Variants in SVIL observed in about 807,000 individuals in gnomAD.
SVIL encodes supervillin, also known as archvillin.
A neutral mutation model predicts 240.4 loss-of-function variants in SVIL; 101 were observed. The ratio of observed to expected loss-of-function variants is 0.42; its 90% CI spans 0.36 to 0.50. The LOEUF (loss-of-function observed/expected upper bound fraction) is 0.50, where lower values mean the gene tolerates loss of function less well. Ranked by LOEUF, SVIL falls within the 20% of genes least tolerant of loss-of-function variation. The pLI, the probability that SVIL is intolerant of heterozygous loss-of-function variation, is 0.01. For synonymous variants in SVIL, 999 were observed against 1,100.0 expected, an observed-to-expected ratio of 0.91 and a Z score of 1.82; for missense variants, 2,512 against 2,818.7, an observed-to-expected ratio of 0.89 and a Z score of 2.46.
intron 22 of SVIL, among the ~76,000 whole-genome samples, chr10:29,490,604 C>A (rs1413159206): frequency 8.6e-5 from 12 of 139,588 alleles, no homozygotes; most frequent in Non-Finnish European, 1.4e-4. Context: ...AAAAAAAAAA[C>A]CAAACCCCAG....
intron 1 of SVIL, among the ~76,000 whole-genome samples, chr10:29,696,103 C>T (rs1961964248): frequency 6.6e-6 from 1 of 151,846 alleles, no homozygotes; most frequent in Admixed American, 6.6e-5. Context: ...AGGCGCGCGC[C>T]GCCACGCCTG....
rs565845517 is a variant in SVIL at position 29,732,861 on chromosome 10, T to G, written c.-400+2890A>C. Among the ~76,000 whole-genome samples, 61 of 152,000 alleles carry G rather than the reference T, an allele frequency of 4.0e-4. 1 individual carries two copies. In the South Asian group the frequency reaches 0.011, roughly 28 times the overall value. ...AGTTCATTTGGTTTGGGTTTTTGTT[T>G]TTTTTTTTTTAATTCCTACCATCTT... On this transcript the variant is annotated intron_variant, in intron 1 of 35. Transcript: ENST00000375400.
intron 3 of SVIL, among the ~76,000 whole-genome samples, chr10:29,562,629 T>C (rs533049219): frequency 6.6e-6 from 1 of 151,838 alleles, no homozygotes; most frequent in Admixed American, 6.6e-5. Flanking sequence ...GGCGTGGTGG[T>C]GGGCGCCTGT....
intron 1 of SVIL, among the ~76,000 whole-genome samples, chr10:29,584,633 C>T (rs1345184079): frequency 1.3e-5 from 2 of 152,242 alleles, no homozygotes; most frequent in Admixed American, 1.3e-4. Flanking sequence ...GCCTCGTTCA[C>T]TGGCTCTGGG....
intron 6 of SVIL, among the ~76,000 whole-genome samples, chr10:29,542,143 A>G (rs1952215930): frequency 1.3e-5 from 2 of 152,232 alleles, no homozygotes; most frequent in Non-Finnish European, 1.5e-5. Context: ...TTTGGGTGCG[A>G]GTGTCTCATA....
In SVIL at chr10:29,524,726, T is replaced by G. The variant is rs1035018518; in HGVS notation, c.2343-11A>C. On this transcript the variant is annotated splice_polypyrimidine_tract_variant and intron_variant, in intron 13 of 37. Coordinates refer to ENST00000355867, the MANE Select transcript of SVIL (RefSeq NM_021738.3). ...GCAGAGGCCTGCAATCTGAAAAAAA[T>G]AAAATGTCAGCAACACATATACCAA... The G allele has an allele frequency of 1.2e-6, 2 of 1,612,758 alleles. No individual in the cohort carries two copies. Among genetic ancestry groups the G allele is most frequent in the Non-Finnish European group, 1.7e-6 (2 of 1,179,214 alleles).
intron 2 of SVIL, among the ~76,000 whole-genome samples, chr10:29,566,256 C>T (rs1030243823): frequency 1.3e-5 from 2 of 152,122 alleles, no homozygotes; most frequent in Admixed American, 1.3e-4. Context: ...GAAAAACTGG[C>T]ATAATTGCAC....
rs1395638707 is a variant in SVIL, at chr10:29,612,479, G to T, written c.-201+21941C>A. 2.0e-5 allele frequency among the ~76,000 whole-genome samples: 3 copies of T among 152,060 alleles called. No homozygotes were observed. The South Asian group carries it at 6.2e-4, about 32-fold the overall frequency. ...GGAATTATAGGGGAATCACTTGCACGCTGATAAAGGACCTCCCTCCTTGTG... is the reference window on the plus strand; with the variant it reads ...GGAATTATAGGGGAATCACTTGCACTCTGATAAAGGACCTCCCTCCTTGTG... On this transcript the variant is annotated intron_variant, in intron 1 of 37. Coordinates refer to ENST00000355867, the MANE Select transcript of SVIL (RefSeq NM_021738.3).
intron 1 of SVIL, among the ~76,000 whole-genome samples, chr10:29,701,316 C>T (rs192589095): frequency 1.1e-4 from 17 of 149,770 alleles, no homozygotes; most frequent in African/African-American, 4.2e-4. Flanking sequence ...CTCTCAGGCC[C>T]CTGTACTCCA....
intron 37 of SVIL, 42 bp downstream of exon 37, chr10:29,458,392 T>C (rs1223081922): frequency 6.2e-7 from 1 of 1,609,702 alleles, no homozygotes; most frequent in South Asian, 1.1e-5. Flanking sequence ...CGTGCGTGTG[T>C]TGTTTTACTC....
intron 17 of SVIL, among the ~76,000 whole-genome samples, chr10:29,506,634 TA>T (rs1949302267): frequency 7.0e-6 from 1 of 143,306 alleles, no homozygotes; most frequent in African/African-American, 2.5e-5. Flanking sequence ...ACAGAGGCCC[TA>T]GAGGGAGGGG....
intron 1 of SVIL, among the ~76,000 whole-genome samples, chr10:29,609,072 A>G (rs1182126270): frequency 1.3e-5 from 2 of 152,196 alleles, no homozygotes; most frequent in African/African-American, 4.8e-5. Flanking sequence ...ACCTGTAGAA[A>G]GGAGCTACCC....
chr10:29,661,604 C>T (rs1304017298), intron 2 of SVIL, among the ~76,000 whole-genome samples: 1 of 152,132 alleles, frequency 6.6e-6, no homozygotes, highest in Non-Finnish European at 1.5e-5. Context: ...CTGACTTTCA[C>T]CAGGTTACCA....
Position 29,697,804 on chromosome 10 carries a change from AT to A in SVIL, c.-399-11154del, listed in dbSNP as rs1310305213. The A allele has an allele frequency of 8.7e-4, 215 of 247,780 alleles. 7 individuals are homozygous for A. Among genetic ancestry groups the A allele is most frequent in the African/African-American group, 8.1e-3 (200 of 24,678 alleles). The allele number at this position is 247,780 out of a possible 1,614,324, so 15.3% of individuals were successfully genotyped here. ...CCAAGAATGATCAATTAAAAAAAAA[AT>A]AAAATTAAAAAGAAAACAACAACAA... On this transcript the variant is annotated intron_variant, in intron 1 of 35. Coordinates refer to the SVIL transcript ENST00000375400.
intron 1 of SVIL, among the ~76,000 whole-genome samples, chr10:29,579,330 C>T (rs1477677698): frequency 3.3e-5 from 5 of 151,996 alleles, no homozygotes; most frequent in Admixed American, 6.6e-5. Flanking sequence ...CCCAGCTACT[C>T]GGGAGGCTGA....
chr10:29,589,417 G>A (rs1956299822), intron 1 of SVIL, among the ~76,000 whole-genome samples: 1 of 152,194 alleles, frequency 6.6e-6, no homozygotes, highest in African/African-American at 2.4e-5. Context: ...AGAAACTGTG[G>A]GGACTTCACC....
intron 1 of SVIL, among the ~76,000 whole-genome samples, chr10:29,633,698 A>T (rs1958200930): frequency 6.6e-6 from 1 of 152,118 alleles, no homozygotes; most frequent in South Asian, 2.1e-4. Flanking sequence ...ACGTCAAATA[A>T]GCCTTCTATG....
chr10:29,482,691 A>G (rs898521830), intron 27 of SVIL: 15 of 152,280 alleles, frequency 9.9e-5, no homozygotes, highest in African/African-American at 3.6e-4. Flanking sequence ...CTCCACCCGG[A>G]GGTCTTGTGT....
At chr10:29,461,157 T>G (rs142171795) in intron 36 of SVIL, among the ~76,000 whole-genome samples, 138 of 152,346 alleles carry the variant, frequency 9.1e-4, no homozygotes, top group African/African-American at 3.1e-3. Context: ...TATGCTTGTC[T>G]CAGTGATTGG....
Sources: allele counts gnomAD v4.1 joint callset (sites outside exome capture counted in the v4.1 genomes callset), GRCh38; gene constraint gnomAD v4.1.1; transcripts MANE v1.5; gene names NCBI Gene and HGNC (gene_info 2026-07-23, HGNC 2026-07-21).